ENPP6: variants seen among roughly 807,000 people sequenced by gnomAD.
The protein encoded by ENPP6 is ectonucleotide pyrophosphatase/phosphodiesterase 6.
In ENPP6, 32 loss-of-function variants were observed where a neutral mutation model predicts 42.0. The ratio of observed to expected loss-of-function variants is 0.76; its 90% confidence interval spans 0.58 to 1.02. ENPP6 has a LOEUF of 1.02. ENPP6 is among the 50% of genes least tolerant of loss of function. The pLI is 0.00. For synonymous variants in ENPP6, 213 were observed against 216.0 expected (o/e 0.99, Z 0.12); for missense variants, 552 against 566.8 (o/e 0.97, Z 0.27).
At chr4:184,171,908 A>G (rs1737473129) in intron 1 of ENPP6, among the ~76,000 whole-genome samples, 1 of 152,188 alleles carries the variant, frequency 6.6e-6, no homozygotes, top group South Asian at 2.1e-4. Context: ...AAGACAGATC[A>G]TGAACATGTA....
At chr4:184,122,546 TCAGGA>T (rs1332377109) in intron 3 of ENPP6, among the ~76,000 whole-genome samples, 1 of 152,162 alleles carries the variant, frequency 6.6e-6, no homozygotes, top group East Asian at 1.9e-4. Context: ...CTGGTGTCTC[TCAGGA>T]CAGGGAAGTC....
intron 1 of ENPP6, among the ~76,000 whole-genome samples, chr4:184,163,114 A>AT (rs1737293347): frequency 1.3e-5 from 2 of 152,310 alleles, no homozygotes; most frequent in South Asian, 4.1e-4. Context: ...TAAGACGTGG[A>AT]TTTTTTGAGA....
intron 1 of ENPP6, among the ~76,000 whole-genome samples, chr4:184,175,071 C>T (rs1226149906): frequency 3.3e-5 from 5 of 152,196 alleles, no homozygotes; most frequent in Non-Finnish European, 5.9e-5. Context: ...GTAGTATCCC[C>T]GTCTCTCCTC....
intron 6 of ENPP6, among the ~76,000 whole-genome samples, chr4:184,104,286 A>G (rs979646534): frequency 7.9e-5 from 12 of 152,230 alleles, no homozygotes; most frequent in African/African-American, 2.9e-4. Flanking sequence ...AGGCTTTAGA[A>G]TTGAGCCTGG....
At chr4:184,140,584 C>T (rs1465462846) in intron 2 of ENPP6, among the ~76,000 whole-genome samples, 10 of 128,862 alleles carry the variant, frequency 7.8e-5, no homozygotes, top group African/African-American at 1.8e-4. Context: ...GAAATAACGC[C>T]GCATATCTAC....
chr4:184,206,036 G>T (rs1732991048), intron 1 of ENPP6, among the ~76,000 whole-genome samples: 1 of 152,088 alleles, frequency 6.6e-6, no homozygotes, highest in Non-Finnish European at 1.5e-5. Flanking sequence ...TTTGGTGCAA[G>T]AGAGAGTAGG....
intron 1 of ENPP6, among the ~76,000 whole-genome samples, chr4:184,201,859 G>T (rs924428757): frequency 2.0e-5 from 3 of 152,148 alleles, no homozygotes; most frequent in African/African-American, 7.2e-5. Flanking sequence ...GCTCATTACA[G>T]AGAGTATAGT....
At chr4:184,148,522 G>A (rs187992978) in intron 2 of ENPP6, among the ~76,000 whole-genome samples, 15 of 152,288 alleles carry the variant, frequency 9.8e-5, no homozygotes, top group Admixed American at 4.6e-4. Flanking sequence ...AATGGTCGAC[G>A]CCTAGAAACC....
intron 2 of ENPP6, among the ~76,000 whole-genome samples, chr4:184,139,197 C>T (rs991738877): frequency 6.6e-6 from 1 of 152,140 alleles, no homozygotes; most frequent in Non-Finnish European, 1.5e-5. Flanking sequence ...AATGTTAAAA[C>T]CCAGAGTGAA....
At chr4:184,158,635 G>C (rs1309918259) in intron 1 of ENPP6, among the ~76,000 whole-genome samples, 4 of 152,124 alleles carry the variant, frequency 2.6e-5, no homozygotes, top group Non-Finnish European at 4.4e-5. Context: ...TCTTCTTCTA[G>C]AGATATAACA....
chr4:184,145,525 C>T (rs1186536033), intron 2 of ENPP6, among the ~76,000 whole-genome samples: 1 of 152,188 alleles, frequency 6.6e-6, no homozygotes, highest in African/African-American at 2.4e-5. Context: ...TGCTGTGATG[C>T]GATTATTTTT....
chr4:184,101,789 A>AC (rs981646948), intron 6 of ENPP6, among the ~76,000 whole-genome samples: 2 of 152,014 alleles, frequency 1.3e-5, no homozygotes, highest in African/African-American at 4.8e-5. Flanking sequence ...GCCTTCCAGG[A>AC]CCCCTCCTCT....
intron 2 of ENPP6, among the ~76,000 whole-genome samples, chr4:184,142,949 C>T (rs1257303628): frequency 6.6e-6 from 1 of 152,224 alleles, no homozygotes; most frequent in African/African-American, 2.4e-5. Flanking sequence ...ACAGCCCCTA[C>T]AGGCCACTTG....
At chr4:184,152,165 T>C (rs2111076619) in intron 2 of ENPP6, among the ~76,000 whole-genome samples, 1 of 152,324 alleles carries the variant, frequency 6.6e-6, no homozygotes, top group Non-Finnish European at 1.5e-5. Context: ...CTGCAGCAGC[T>C]TGTACGGTGC....
At chr4:184,174,077 C>T (rs11132230) in intron 1 of ENPP6, among the ~76,000 whole-genome samples, 149,799 of 151,902 alleles carry the variant, frequency 0.99, 73,894 homozygotes, top group East Asian at 1. Context: ...AGGCACGATC[C>T]GATGCCACAG....
At chr4:184,180,809 A>G (rs1484272614) in intron 1 of ENPP6, among the ~76,000 whole-genome samples, 1 of 152,242 alleles carries the variant, frequency 6.6e-6, no homozygotes, top group Non-Finnish European at 1.5e-5. Flanking sequence ...AAAATTCAAC[A>G]TTCCTTCATG....
At chr4:184,117,736 C>T in intron 4 of ENPP6, 23 bp downstream of exon 4, 3 of 1,611,082 alleles carry the variant, frequency 1.9e-6, no homozygotes, top group Non-Finnish European at 2.5e-6. Flanking sequence ...AAGGCCAGGC[C>T]ACGTGTCTTT....
chr4:184,122,514 A>G (rs1736434466), intron 3 of ENPP6, among the ~76,000 whole-genome samples: 1 of 151,832 alleles, frequency 6.6e-6, no homozygotes, highest in African/African-American at 2.4e-5. Context: ...AACAGAGCCC[A>G]GCACTTATTC....
At chr4:184,215,880 T>C (rs781451486) in intron 1 of ENPP6, among the ~76,000 whole-genome samples, 8 of 152,042 alleles carry the variant, frequency 5.3e-5, no homozygotes, top group Non-Finnish European at 1.0e-4. Flanking sequence ...GAAAAGAAGG[T>C]GTGTCTCAGC....
Sources: gnomAD v4.1 joint callset for allele counts (sites outside exome capture counted in the v4.1 genomes callset) on GRCh38, gnomAD v4.1.1 for gene constraint, MANE v1.5 for transcripts, NCBI Gene and HGNC (gene_info 2026-07-23, HGNC 2026-07-21) for gene names.